Variants in CDH18 observed in about 807,000 individuals in gnomAD.
CDH18 encodes cadherin-18.
Under a neutral mutation model 67.9 loss-of-function variants are expected in CDH18, and 31 were observed. That is an observed-to-expected ratio of 0.46 (90% CI 0.34 to 0.62). CDH18 has a LOEUF of 0.62. Among genes scored for constraint, CDH18 ranks in the 20% least tolerant of loss-of-function variants. The pLI, the probability that CDH18 is intolerant of heterozygous loss-of-function variation, is 0.01. For missense variants in CDH18, 890 were observed against 975.5 expected, an observed-to-expected ratio of 0.91 and a Z score of 1.17; for synonymous variants, 362 against 347.2, an observed-to-expected ratio of 1.04 and a Z score of -0.48.
At chr5:20,037,972 A>G (rs1413497153) in intron 2 of CDH18, among the ~76,000 whole-genome samples, 1 of 152,140 alleles carries the variant, frequency 6.6e-6, no homozygotes, top group East Asian at 1.9e-4. Context: ...TAAAGAAGAA[A>G]AGAGAGAAGG....
chr5:20,383,421 C>T (rs1176250908), intron 1 of CDH18, among the ~76,000 whole-genome samples: 2 of 152,102 alleles, frequency 1.3e-5, no homozygotes, highest in East Asian at 1.9e-4. Flanking sequence ...ATTTTCAGAG[C>T]TTTCAAAAGC....
At chr5:20,524,884 A>T (rs529216767) in intron 1 of CDH18, among the ~76,000 whole-genome samples, 1 of 152,288 alleles carries the variant, frequency 6.6e-6, no homozygotes, top group African/African-American at 2.4e-5. Flanking sequence ...GGAGGATATA[A>T]CCTAGCCCAC....
chr5:20,139,192 C>G (rs1461140292), intron 2 of CDH18, among the ~76,000 whole-genome samples: 1 of 151,986 alleles, frequency 6.6e-6, no homozygotes, highest in Non-Finnish European at 1.5e-5. Context: ...CTTTGACAAA[C>G]CTGACAAAAA....
intron 11 of CDH18, among the ~76,000 whole-genome samples, chr5:19,494,118 T>C (rs1037066466): frequency 2.6e-5 from 4 of 152,150 alleles, no homozygotes; most frequent in African/African-American, 9.7e-5. Flanking sequence ...GTGTGGAAAT[T>C]TGTAACATTA....
chr5:19,905,717 A>T (rs1790465043), intron 2 of CDH18, among the ~76,000 whole-genome samples: 2 of 152,048 alleles, frequency 1.3e-5, no homozygotes, highest in Admixed American at 6.5e-5. Flanking sequence ...CTTAGCATAG[A>T]GCACGTGAGT....
At chr5:20,464,381 C>T (rs945569117) in intron 1 of CDH18, among the ~76,000 whole-genome samples, 3 of 152,080 alleles carry the variant, frequency 2.0e-5, no homozygotes, top group African/African-American at 4.8e-5. Context: ...GCAACAGAAG[C>T]GGCCATGGAA....
intron 1 of CDH18, among the ~76,000 whole-genome samples, chr5:20,485,811 C>T (rs1455751393): frequency 1.3e-5 from 2 of 152,090 alleles, no homozygotes; most frequent in East Asian, 3.9e-4. Flanking sequence ...AAAAACATGT[C>T]ATAGTTAACA....
At position 19,473,158 on chromosome 5, in the gene CDH18, G is replaced by A. The variant is rs774771889; in HGVS notation, c.*68C>T. 7.7e-6 allele frequency: 12 copies of A among 1,551,296 alleles called. No homozygotes were observed. Among genetic ancestry groups the A allele is most frequent in the Non-Finnish European group, 1.0e-5 (12 of 1,147,428 alleles). On this transcript the variant is annotated 3_prime_UTR_variant, in exon 13 of 13. Transcript: ENST00000382275. ...AGTACTGTTTCCACACTTCTTCCTT[G>A]TCATTGCTGAGGTTGTATATCCACT... is the stretch of plus-strand genomic sequence containing the variant.
chr5:19,789,627 C>G (rs1356890550), intron 3 of CDH18, among the ~76,000 whole-genome samples: 1 of 151,940 alleles, frequency 6.6e-6, no homozygotes, highest in Non-Finnish European at 1.5e-5. Context: ...ATAAAGTTGA[C>G]AAATAGGCAA....
At chr5:20,268,997 CA>C (rs1472138342) in intron 1 of CDH18, among the ~76,000 whole-genome samples, 1 of 151,976 alleles carries the variant, frequency 6.6e-6, no homozygotes, top group African/African-American at 2.4e-5. Flanking sequence ...TTAATATCCA[CA>C]ATATAGAAGT....
chr5:19,701,180 T>TA (rs1561085902), intron 5 of CDH18, among the ~76,000 whole-genome samples: 1 of 152,120 alleles, frequency 6.6e-6, no homozygotes, highest in Non-Finnish European at 1.5e-5. Context: ...TTATGTGTTT[T>TA]AAAAAATGAC....
intron 1 of CDH18, among the ~76,000 whole-genome samples, chr5:20,361,686 A>G (rs1386775575): frequency 2.0e-5 from 3 of 152,138 alleles, no homozygotes; most frequent in Admixed American, 1.3e-4. Context: ...TCAAGGGCCT[A>G]AAGTGGCATA....
intron 5 of CDH18, among the ~76,000 whole-genome samples, chr5:19,621,363 A>C (rs72739133): frequency 0.058 from 8,762 of 151,914 alleles, 289 homozygotes; most frequent in Non-Finnish European, 0.074. Flanking sequence ...TTGTTTTTTG[A>C]TGATAGCCAT....
chr5:20,402,730 G>C (rs1306473148), intron 1 of CDH18, among the ~76,000 whole-genome samples: 3 of 152,054 alleles, frequency 2.0e-5, no homozygotes, highest in Admixed American at 1.3e-4. Context: ...GTTGATAGCT[G>C]CTGACTTATC....
chr5:20,418,377 G>A (rs1012971813), intron 1 of CDH18, among the ~76,000 whole-genome samples: 4 of 151,008 alleles, frequency 2.6e-5, no homozygotes, highest in African/African-American at 9.7e-5. Context: ...CACCACGCCC[G>A]GCCAAGACTA....
Position 19,571,703 on chromosome 5 carries a change from C to T in CDH18, c.1129G>A (p.Val377Ile). The change falls in exon 8 of 13, where the codon GTA becomes ATA. Residue 377 changes from valine (V) to isoleucine (I), a missense_variant. By Grantham distance (29) the Val-to-Ile change is conservative. Coordinates refer to ENST00000382275, the MANE Select transcript of CDH18 (RefSeq NM_004934.5). ...ATMLKIIVGD[V>I]DEPPLFSMPS... ...ATGGAAAATAGTGGTGGTTCATCTA[C>T]ATCCCCAACAATGATCTTCAGCATA... 1 of 1,613,996 alleles carries T rather than the reference C, an allele frequency of 6.2e-7. No individual in the cohort carries two copies. The highest frequency in any genetic ancestry group is 8.5e-7 in the Non-Finnish European group (1 of 1,179,928).
rs1341030259 is a variant in CDH18 at position 20,301,792 on chromosome 5, T to TC, written c.-579-46288_-579-46287insG. Among the ~76,000 whole-genome samples the TC allele has an allele frequency of 2.5e-3, 82 of 33,318 alleles. 1 individual carries two copies. Among genetic ancestry groups the TC allele is most frequent in the African/African-American group, 6.0e-3 (79 of 13,076 alleles). The allele number at this position is 33,318 out of a possible 152,430, so 21.9% of individuals were successfully genotyped here. On this transcript the variant is annotated intron_variant, in intron 1 of 14. Transcript: ENST00000507958. ...GGTAGTTTGCTCTTTCTTTTTTCTT[T>TC]TTTTTTTTTTTTTTTGGCATGCAGC...
At chr5:20,530,012 C>G (rs926797285) in intron 1 of CDH18, among the ~76,000 whole-genome samples, 4 of 152,040 alleles carry the variant, frequency 2.6e-5, no homozygotes, top group Non-Finnish European at 2.9e-5. Context: ...CCAAAAGCTT[C>G]TTAAGCAGAT....
intron 5 of CDH18, 141 bp from the exon 6 acceptor site, chr5:19,612,742 C>T (rs896111043): frequency 3.1e-6 from 2 of 642,832 alleles, no homozygotes; most frequent in Non-Finnish European, 2.7e-6. Flanking sequence ...AAAACAATAT[C>T]TTACCAATGC....
Sources: gnomAD v4.1 joint callset for allele counts (sites outside exome capture counted in the v4.1 genomes callset) on GRCh38, gnomAD v4.1.1 for gene constraint, MANE v1.5 for transcripts, NCBI Gene and HGNC (gene_info 2026-07-23, HGNC 2026-07-21) for gene names.